The following ENOX1 variants were observed in gnomAD, a reference collection of about 807,000 sequenced individuals.
The protein encoded by ENOX1 is candidate growth-related and time keeping constitutive hydroquinone (NADH) oxidase.
Under a neutral mutation model 82.5 loss-of-function variants are expected in ENOX1, and 42 were observed. The observed-to-expected ratio is 0.51, with a 90% CI of 0.40 to 0.66. The LOEUF (loss-of-function observed/expected upper bound fraction) is 0.66, where lower values mean the gene tolerates loss of function less well. Ranked by LOEUF, ENOX1 falls within the 30% of genes least tolerant of loss-of-function variation. ENOX1 has a pLI of 0.00. For synonymous variants in ENOX1, 271 were observed against 282.2 expected, an observed-to-expected ratio of 0.96 and a Z score of 0.40; for missense variants, 608 against 811.6, an observed-to-expected ratio of 0.75 and a Z score of 3.05.
At chr13:43,490,991 T>A (rs1056375438) in intron 2 of ENOX1, among the ~76,000 whole-genome samples, 1 of 152,194 alleles carries the variant, frequency 6.6e-6, no homozygotes, top group African/African-American at 2.4e-5. Flanking sequence ...TAGATTGCTA[T>A]AAAGAAACAT....
intron 11 of ENOX1, among the ~76,000 whole-genome samples, chr13:43,301,704 G>A (rs922648241): frequency 4.0e-5 from 6 of 151,456 alleles, no homozygotes; most frequent in South Asian, 2.1e-4. Context: ...AAAAATTTTC[G>A]TTACTCATGT....
At chr13:43,520,161 C>T (rs944708035) in intron 2 of ENOX1, among the ~76,000 whole-genome samples, 1 of 152,134 alleles carries the variant, frequency 6.6e-6, no homozygotes, top group East Asian at 1.9e-4. Context: ...AGAAATGTAA[C>T]AGCACTTCCT....
intron 1 of ENOX1, among the ~76,000 whole-genome samples, chr13:43,781,543 C>T (rs986500115): frequency 3.3e-5 from 5 of 151,624 alleles, no homozygotes; most frequent in Non-Finnish European, 5.9e-5. Context: ...GATGGAGTTT[C>T]GCCCTTGTTG....
At chr13:43,354,171 G>A (rs2049990961) in intron 8 of ENOX1, among the ~76,000 whole-genome samples, 1 of 152,188 alleles carries the variant, frequency 6.6e-6, no homozygotes, top group Admixed American at 6.5e-5. Context: ...ACTCCTTGTT[G>A]AGAACATTGC....
intron 1 of ENOX1, among the ~76,000 whole-genome samples, chr13:43,738,553 G>C (rs1423658257): frequency 6.6e-6 from 1 of 152,080 alleles, no homozygotes; most frequent in Non-Finnish European, 1.5e-5. Flanking sequence ...TCAAAGAGAG[G>C]TGTCTTCCAA....
chr13:43,443,062 A>G (rs114114215), intron 3 of ENOX1, among the ~76,000 whole-genome samples: 1,652 of 152,324 alleles, frequency 0.011, 18 homozygotes, highest in Middle Eastern at 0.034. Flanking sequence ...ATCCTCTGAT[A>G]AGTTCAGAAA....
At chr13:43,687,656 C>G (rs1261628856) in intron 1 of ENOX1, among the ~76,000 whole-genome samples, 1 of 152,160 alleles carries the variant, frequency 6.6e-6, no homozygotes, top group Admixed American at 6.5e-5. Flanking sequence ...TATTACCCTA[C>G]AGTGCATGCT....
chr13:43,293,094 C>T (rs933350057), intron 12 of ENOX1, among the ~76,000 whole-genome samples: 4 of 152,088 alleles, frequency 2.6e-5, no homozygotes, highest in Non-Finnish European at 4.4e-5. Flanking sequence ...CCATGGCTGC[C>T]TTCATTACCA....
At chr13:43,249,196 C>A (rs2043309576) in intron 14 of ENOX1, among the ~76,000 whole-genome samples, 1 of 151,942 alleles carries the variant, frequency 6.6e-6, no homozygotes. Flanking sequence ...ATCCAGTAAC[C>A]CCATTCATTA....
Position 43,470,253 on chromosome 13 carries a change from T to TATAC in ENOX1, c.-75+13755_-75+13756insGTAT, listed in dbSNP as rs1411982068. Among the ~76,000 whole-genome samples the TATAC allele has an allele frequency of 1.7e-4, 11 of 65,574 alleles. 1 individual carries two copies. Among genetic ancestry groups the TATAC allele is most frequent in the African/African-American group, 5.2e-4 (11 of 21,276 alleles). The allele number at this position is 65,574 out of a possible 152,430, so 43.0% of individuals were successfully genotyped here. A position where few individuals can be genotyped will look rare whatever the true frequency, so the allele number is the denominator to read the frequency against. On this transcript the variant is annotated intron_variant, in intron 3 of 16. Transcript: ENST00000690772. ...GTGTGTGTGTGTATATATATACATA[T>TATAC]ATATATACATATATATACACATATA...
At chr13:43,485,413 G>A (rs1171769273) in intron 2 of ENOX1, among the ~76,000 whole-genome samples, 2 of 152,164 alleles carry the variant, frequency 1.3e-5, no homozygotes, top group Non-Finnish European at 2.9e-5. Flanking sequence ...AGGACCAAAA[G>A]TCCCTTAGAG....
chr13:43,394,925 T>C (rs936375965), intron 5 of ENOX1: 1 of 151,564 alleles, frequency 6.6e-6, no homozygotes, highest in Non-Finnish European at 1.5e-5. Flanking sequence ...GATTAGCAGA[T>C]AGATTTCTTC....
chr13:43,553,640 A>G (rs1451940223), intron 2 of ENOX1, among the ~76,000 whole-genome samples: 1 of 152,248 alleles, frequency 6.6e-6, no homozygotes, highest in Non-Finnish European at 1.5e-5. Flanking sequence ...AAAGCATGAT[A>G]TAAATCAGGC....
In ENOX1 at chr13:43,679,201, T is replaced by C. The variant is rs139977721; in HGVS notation, c.-284-11657A>G. 2.0e-5 allele frequency among the ~76,000 whole-genome samples: 3 copies of C among 152,268 alleles called. No individual in the cohort carries two copies. In the East Asian group the frequency reaches 5.8e-4, roughly 29 times the overall value. The stretch of plus-strand genomic sequence containing the variant: ...TAACACCGTAATGAAAAATAATAAT[T>C]CCTTGAGGGTTTTTTAAGTCAGTAG... On this transcript the variant is annotated intron_variant, in intron 1 of 16. Coordinates refer to ENST00000690772, the MANE Select transcript of ENOX1 (RefSeq NM_001347969.2).
intron 16 of ENOX1, among the ~76,000 whole-genome samples, chr13:43,219,495 A>G (rs1350872125): frequency 2.0e-5 from 3 of 152,238 alleles, no homozygotes; most frequent in South Asian, 2.1e-4. Context: ...TATATTTTCA[A>G]TCTTTGATAT....
intron 1 of ENOX1, among the ~76,000 whole-genome samples, chr13:43,692,955 T>G (rs757404942): frequency 6.1e-4 from 93 of 152,278 alleles, no homozygotes; most frequent in Non-Finnish European, 1.2e-3. Context: ...TAGTAGCTCT[T>G]TATATTACAG....
intron 2 of ENOX1, among the ~76,000 whole-genome samples, chr13:43,632,557 T>C (rs2083262812): frequency 6.6e-6 from 1 of 152,020 alleles, no homozygotes; most frequent in Non-Finnish European, 1.5e-5. Context: ...GCGATTCTCC[T>C]GCCTCAGCCT....
chr13:43,346,895 TAAC>T (rs2049419881), intron 8 of ENOX1, among the ~76,000 whole-genome samples: 1 of 151,824 alleles, frequency 6.6e-6, no homozygotes, highest in Non-Finnish European at 1.5e-5. Flanking sequence ...TCTGAAAAGA[TAAC>T]AACAGAAAAA....
chr13:43,533,217 A>G (rs1488236974), intron 2 of ENOX1, among the ~76,000 whole-genome samples: 1 of 152,084 alleles, frequency 6.6e-6, no homozygotes, highest in African/African-American at 2.4e-5. Context: ...TGGTCATCAT[A>G]TCTTCCCCCA....
Sources: allele counts gnomAD v4.1 joint callset (sites outside exome capture counted in the v4.1 genomes callset), GRCh38; gene constraint gnomAD v4.1.1; transcripts MANE v1.5; gene names NCBI Gene and HGNC (gene_info 2026-07-23, HGNC 2026-07-21).